NADSYN1: variants seen among roughly 807,000 people sequenced by gnomAD.
The protein encoded by NADSYN1 is NAD synthetase 1, also known as glutamine-dependent NAD(+) synthetase.
NADSYN1 carries 80 observed loss-of-function variants against 99.3 expected under a neutral mutation model. That is an observed-to-expected ratio of 0.81 (90% CI 0.67 to 0.97). NADSYN1 has a LOEUF of 0.97. Among genes scored for constraint, NADSYN1 ranks in the 50% least tolerant of loss-of-function variants. The pLI is 0.00. For missense variants in NADSYN1, 859 were observed against 948.5 expected (o/e 0.91, Z 1.24); for synonymous variants, 385 against 372.1 (o/e 1.03, Z -0.40).
At chr11:71,454,136 A>G (rs1949498109) in intron 1 of NADSYN1, among the ~76,000 whole-genome samples, 1 of 152,230 alleles carries the variant, frequency 6.6e-6, no homozygotes, top group Non-Finnish European at 1.5e-5. Flanking sequence ...GCTGACTGCA[A>G]GAGCCTTTGC....
Position 71,501,347 on chromosome 11 carries a change from G to T in NADSYN1, c.2116G>T (p.Asp706Tyr), listed in dbSNP as rs775841366. The part of the protein sequence containing the change: ...RAEPQSLDGV[D>Y] ...AGAGCCACAGTCCCTGGACGGCGTG[G>T]ACTGAGGCCGGTTCCTTCCTGGAGG... Residue 706 changes from aspartate (D) to tyrosine (Y), a missense_variant, in exon 21 of 21, where the codon GAC (aspartate) becomes TAC (tyrosine). Asp to Tyr is a radical substitution (Grantham distance 160). Coordinates refer to ENST00000319023, the MANE Select transcript of NADSYN1 (RefSeq NM_018161.5). The T allele has an allele frequency of 2.5e-6, 4 of 1,605,754 alleles. No individual in the cohort carries two copies. Among genetic ancestry groups the T allele is most frequent in the African/African-American group, 2.7e-5 (2 of 74,940 alleles).
At chr11:71,477,501 G>A (rs1259926791) in intron 9 of NADSYN1, 19 of 1,248,612 alleles carry the variant, frequency 1.5e-5, no homozygotes, top group East Asian at 5.7e-5. Flanking sequence ...GCCATCCTGT[G>A]AACCGCCGCA....
chr11:71,457,233 C>T (rs1238581210), intron 2 of NADSYN1, among the ~76,000 whole-genome samples: 1 of 152,258 alleles, frequency 6.6e-6, no homozygotes, highest in Non-Finnish European at 1.5e-5. Context: ...GAACTCCATT[C>T]CCTACTGGGA....
In NADSYN1 at chr11:71,498,409, A is replaced by G. The variant is rs1311258461; in HGVS notation, c.1951A>G (p.Thr651Ala). The change falls in exon 20 of 21, where the codon ACC (threonine) becomes GCC (alanine). Residue 651 changes from threonine to alanine, a missense_variant. Physicochemically the swap from Thr to Ala is moderately conservative, Grantham distance 58. Coordinates refer to ENST00000319023, the MANE Select transcript of NADSYN1 (RefSeq NM_018161.5). ...SKYSMNRHKM[T>A]TLTPAYHAEN... ...GTACTCCATGAACAGACACAAGATG[A>G]CCACGCTCACACCCGCGTACCACGC... The G allele has an allele frequency of 6.2e-7, 1 of 1,614,186 alleles. No homozygotes were observed. The highest frequency in any genetic ancestry group is 1.3e-5 in the African/African-American group (1 of 75,066).
intron 9 of NADSYN1, chr11:71,475,018 C>T (rs1345708779): frequency 1.0e-5 from 2 of 196,332 alleles, no homozygotes; most frequent in Non-Finnish European, 2.2e-5. Context: ...CTGTGGGAGG[C>T]GGGCTCTGTG....
chr11:71,467,633 G>A (rs1029113667), intron 5 of NADSYN1, among the ~76,000 whole-genome samples: 1 of 152,130 alleles, frequency 6.6e-6, no homozygotes, highest in African/African-American at 2.4e-5. Flanking sequence ...GAGAGGTATG[G>A]AACTGAAAGA....
At chr11:71,469,583 C>G (rs980280758) in intron 5 of NADSYN1, among the ~76,000 whole-genome samples, 2 of 152,230 alleles carry the variant, frequency 1.3e-5, no homozygotes, top group African/African-American at 4.8e-5. Context: ...GGGATGGGCT[C>G]TGGCTAGTTA....
chr11:71,460,214 G>A (rs1949542235), intron 3 of NADSYN1: 2 of 152,320 alleles, frequency 1.3e-5, no homozygotes, highest in Non-Finnish European at 2.9e-5. Flanking sequence ...AGCGCCTCAG[G>A]TAACATAACA....
chr11:71,483,148 A>T, intron 14 of NADSYN1, 131 bp downstream of exon 14: 1 of 1,107,482 alleles, frequency 9.0e-7, no homozygotes, highest in African/African-American at 1.6e-5. Flanking sequence ...ATGTGGATAA[A>T]CGTGTAAGTG....
chr11:71,501,135 C>T (rs150077244), intron 20 of NADSYN1, among the ~76,000 whole-genome samples, 167 bp from the exon 21 acceptor site: 65 of 152,362 alleles, frequency 4.3e-4, no homozygotes, highest in Non-Finnish European at 1.8e-4. Flanking sequence ...GATCTGGACC[C>T]GCCCCTCCAG....
At chr11:71,489,772 A>G (rs571108489) in intron 16 of NADSYN1, among the ~76,000 whole-genome samples, 1 of 152,360 alleles carries the variant, frequency 6.6e-6, no homozygotes, top group African/African-American at 2.4e-5. Flanking sequence ...GTGAGAAGGC[A>G]CGGAGGTGTG....
At chr11:71,460,505 T>G (rs1949544083) in intron 3 of NADSYN1, among the ~76,000 whole-genome samples, 1 of 152,152 alleles carries the variant, frequency 6.6e-6, no homozygotes, top group Non-Finnish European at 1.5e-5. Flanking sequence ...TGCACACCAG[T>G]ACACCTGGCT....
chr11:71,492,559 C>T (rs1268717077), intron 18 of NADSYN1, among the ~76,000 whole-genome samples: 1 of 152,108 alleles, frequency 6.6e-6, no homozygotes, highest in Non-Finnish European at 1.5e-5. Flanking sequence ...TCTTGGCACC[C>T]TTGTTGTAAA....
chr11:71,453,526 A>G (rs1021793312), intron 1 of NADSYN1, 145 bp downstream of exon 1: 1 of 700,640 alleles, frequency 1.4e-6, no homozygotes, highest in African/African-American at 1.8e-5. Flanking sequence ...ATGGGCAATG[A>G]CCCCGCCAGT....
chr11:71,472,147 C>T (rs746863877), intron 5 of NADSYN1, among the ~76,000 whole-genome samples: 4 of 152,218 alleles, frequency 2.6e-5, no homozygotes, highest in Non-Finnish European at 5.9e-5. Flanking sequence ...GGCCAGTTCT[C>T]AGCAAATCCC....
At chr11:71,460,598 T>C (rs1310923234) in intron 3 of NADSYN1, 1 of 152,200 alleles carries the variant, frequency 6.6e-6, no homozygotes, top group African/African-American at 2.4e-5. Flanking sequence ...CTTTTGTTGG[T>C]TCATTTTTGC....
chr11:71,481,795 G>A, intron 12 of NADSYN1, 128 bp from the exon 13 acceptor site: 2 of 728,852 alleles, frequency 2.7e-6, no homozygotes, highest in Admixed American at 2.6e-5. Flanking sequence ...CTGACCCCAT[G>A]GAAAGTGCTA....
rs1591138426 is a variant in NADSYN1, at chr11:71,498,454, G to A, written c.1996G>A (p.Asp666Asn). 1.2e-6 allele frequency: 2 copies of A among 1,614,202 alleles called. No individual in the cohort carries two copies. Among genetic ancestry groups the A allele is most frequent in the Non-Finnish European group, 8.5e-7 (1 of 1,180,042 alleles). ...AYHAENYSPEDNRFDLRPFLY... is the reference protein window; with the variant it reads ...AYHAENYSPENNRFDLRPFLY... The stretch of plus-strand genomic sequence containing the variant: ...CCACGCCGAGAACTACAGCCCTGAG[G>A]ACAACAGGTTTGATCTGCGACCATT... The change falls in exon 20 of 21, where the codon GAC (aspartate) becomes AAC (asparagine). Residue 666 changes from aspartate to asparagine, a missense_variant. Transcript: ENST00000319023.
At chr11:71,480,714 G>T (rs566485176) in intron 10 of NADSYN1, 41 bp from the exon 11 acceptor site, 3 of 1,613,144 alleles carry the variant, frequency 1.9e-6, no homozygotes, top group Non-Finnish European at 2.5e-6. Context: ...GAGGGTTTCC[G>T]TGAAGCTGGG....
Sources: allele counts gnomAD v4.1 joint callset (sites outside exome capture counted in the v4.1 genomes callset), GRCh38; gene constraint gnomAD v4.1.1; transcripts MANE v1.5; gene names NCBI Gene and HGNC (gene_info 2026-07-23, HGNC 2026-07-21).